The following PRKCB variants were observed in gnomAD, a reference collection of about 807,000 sequenced individuals.
PRKCB encodes the protein protein kinase C beta.
PRKCB carries 13 observed loss-of-function variants against 81.5 expected under a neutral mutation model. That is an observed-to-expected ratio of 0.16 (90% CI 0.10 to 0.25). The LOEUF is 0.25. Ranked by LOEUF, PRKCB falls within the 10% of genes least tolerant of loss-of-function variation. PRKCB has a pLI of 1.00. For missense variants in PRKCB, 509 were observed against 875.7 expected (o/e 0.58, Z 5.29); for synonymous variants, 335 against 321.4 (o/e 1.04, Z -0.45).
At chr16:24,061,917 A>AAT (rs1415701933) in intron 5 of PRKCB, among the ~76,000 whole-genome samples, 14 of 148,732 alleles carry the variant, frequency 9.4e-5, no homozygotes, top group Non-Finnish European at 1.9e-4. Context: ...AAATAAAAAA[A>AAT]AAAAAAAAAA....
chr16:24,203,831 C>G (rs1407963029), intron 16 of PRKCB, among the ~76,000 whole-genome samples: 1 of 152,098 alleles, frequency 6.6e-6, no homozygotes, highest in African/African-American at 2.4e-5. Flanking sequence ...TGGATGGGAA[C>G]GGAAATGCAT....
rs71988386 is a variant in PRKCB at position 23,902,989 on chromosome 16, C to CTTT, written c.205+65596_205+65598dup. Among the ~76,000 whole-genome samples the CTTT allele has an allele frequency of 2.7e-3, 373 of 139,048 alleles. 2 individuals carry two copies. The highest frequency in any genetic ancestry group is 9.8e-3 in the African/African-American group (349 of 35,468). 91.2% of individuals were successfully genotyped at this position (139,048 alleles called of 152,430 possible). On this transcript the variant is annotated intron_variant, in intron 2 of 16. Transcript: ENST00000643927. ...TACCTAATTTTTAGTTTTTTCTTTT[C>CTTT]TTTTTTTTTTTTTTTCCTTTTTCTG...
In PRKCB at chr16:24,217,512, G is replaced by T. The variant is rs1968247203; in HGVS notation, c.*2696G>T. The T allele has an allele frequency of 2.0e-6, 2 of 985,282 alleles. No homozygotes were observed. Among genetic ancestry groups the T allele is most frequent in the Non-Finnish European group, 2.4e-6 (2 of 829,932 alleles). The allele number at this position is 985,282 out of a possible 1,614,324, so 61.0% of individuals were successfully genotyped here. ...CAGATGCTATCAACCTCAAAGAAAT[G>T]ATCTCAACAGAGAAGCTTATTCTCT... On this transcript the variant is annotated 3_prime_UTR_variant, in exon 17 of 17. Coordinates refer to ENST00000643927, the MANE Select transcript of PRKCB (RefSeq NM_002738.7).
intron 2 of PRKCB, among the ~76,000 whole-genome samples, chr16:23,877,313 G>A (rs1474965200): frequency 6.6e-6 from 1 of 152,112 alleles, no homozygotes; most frequent in East Asian, 1.9e-4. Context: ...CCCCAGCCTG[G>A]GCAGCAGAGG....
Position 24,218,389 on chromosome 16 carries a change from A to C in PRKCB, c.*3573A>C, listed in dbSNP as rs1968264988. 1.0e-6 allele frequency: 1 copy of C among 985,102 alleles called. No homozygotes were observed. The highest frequency in any genetic ancestry group is 1.8e-5 in the African/African-American group (1 of 57,142). 61.0% of individuals were successfully genotyped at this position (985,102 alleles called of 1,614,324 possible). On this transcript the variant is annotated 3_prime_UTR_variant, in exon 17 of 17. Coordinates refer to ENST00000643927, the MANE Select transcript of PRKCB (RefSeq NM_002738.7). The stretch of plus-strand genomic sequence containing the variant: ...AGGCTAACAGCAAGCAGGACAAGAC[A>C]AAAAGGGCAGGTGGGACATGGTAGA...
intron 16 of PRKCB, among the ~76,000 whole-genome samples, chr16:24,195,134 G>A (rs1967859488): frequency 6.6e-6 from 1 of 151,686 alleles, no homozygotes; most frequent in Non-Finnish European, 1.5e-5. Flanking sequence ...CTGGGAGGTT[G>A]AGGCTGCAGT....
At chr16:24,116,057 G>A (rs1020739350) in intron 8 of PRKCB, among the ~76,000 whole-genome samples, 13 of 152,170 alleles carry the variant, frequency 8.5e-5, no homozygotes, top group Admixed American at 8.5e-4. Context: ...ACCACACGTG[G>A]TATATTTCAG....
At chr16:23,881,986 C>CTTTG (rs372214141) in intron 2 of PRKCB, among the ~76,000 whole-genome samples, 2 of 23,866 alleles carry the variant, frequency 8.4e-5, no homozygotes, top group Non-Finnish European at 1.9e-4. Context: ...TTCTTTCTTT[C>CTTTG]TTTCTTTCTT....
At chr16:23,985,170 C>G (rs1377849810) in intron 2 of PRKCB, among the ~76,000 whole-genome samples, 1 of 152,128 alleles carries the variant, frequency 6.6e-6, no homozygotes, top group Non-Finnish European at 1.5e-5. Context: ...TGGCTCACTT[C>G]AACCTCCGCC....
intron 5 of PRKCB, among the ~76,000 whole-genome samples, chr16:24,050,606 T>A (rs1965829534): frequency 6.6e-6 from 1 of 152,160 alleles, no homozygotes; most frequent in South Asian, 2.1e-4. Context: ...CACCACACAC[T>A]CTGATACATT....
intron 9 of PRKCB, among the ~76,000 whole-genome samples, chr16:24,137,114 C>T (rs1014268316): frequency 6.6e-6 from 1 of 151,136 alleles, no homozygotes; most frequent in African/African-American, 2.4e-5. Flanking sequence ...GTCTTGAACT[C>T]CTGACCTCAA....
At chr16:23,908,118 C>T (rs1479255089) in intron 2 of PRKCB, among the ~76,000 whole-genome samples, 2 of 151,836 alleles carry the variant, frequency 1.3e-5, no homozygotes, top group Admixed American at 6.6e-5. Context: ...TGGGTGGAAT[C>T]CCTGGGAGCT....
intron 10 of PRKCB, among the ~76,000 whole-genome samples, chr16:24,164,584 G>A (rs1448501791): frequency 2.0e-5 from 3 of 152,120 alleles, no homozygotes; most frequent in Non-Finnish European, 4.4e-5. Flanking sequence ...TGGAGTTGAC[G>A]GTGGAACACC....
chr16:23,913,674 G>A (rs1040967558), intron 2 of PRKCB, among the ~76,000 whole-genome samples: 2 of 152,230 alleles, frequency 1.3e-5, no homozygotes, highest in South Asian at 2.1e-4. Context: ...GCATGAAGCT[G>A]TGGCTCTGCT....
chr16:24,048,903 T>C (rs1432048607), intron 5 of PRKCB, among the ~76,000 whole-genome samples: 1 of 152,152 alleles, frequency 6.6e-6, no homozygotes, highest in Non-Finnish European at 1.5e-5. Context: ...CTCCATTATA[T>C]GGTGAGGAAA....
intron 2 of PRKCB, among the ~76,000 whole-genome samples, chr16:23,867,925 G>A (rs920539887): frequency 6.6e-6 from 1 of 152,108 alleles, no homozygotes; most frequent in Non-Finnish European, 1.5e-5. Context: ...CAAGTAATTG[G>A]CGACAAGTCC....
intron 3 of PRKCB, among the ~76,000 whole-genome samples, chr16:24,020,969 CT>C (rs1470901821): frequency 8.1e-6 from 1 of 123,736 alleles, no homozygotes; most frequent in African/African-American, 3.1e-5. Flanking sequence ...CTGAGAGAGA[CT>C]TTTCTTTTTC....
rs552377596 is a variant in PRKCB, at chr16:23,918,141, G to T, written c.206-70367G>T. Among the ~76,000 whole-genome samples, 3 of 152,234 alleles carry T rather than the reference G, an allele frequency of 2.0e-5. No homozygotes were observed. In the South Asian group the frequency reaches 6.2e-4, roughly 32 times the overall value. ...AACAAGAGGGGCAGTTTGACTTGGGGATGGGGGATGTTTTGACACTTGGAG... is the reference window on the plus strand; with the variant it reads ...AACAAGAGGGGCAGTTTGACTTGGGTATGGGGGATGTTTTGACACTTGGAG... On this transcript the variant is annotated intron_variant, in intron 2 of 16. Transcript: ENST00000643927.
rs184013295 is a variant in PRKCB, at chr16:24,073,535, A to G, written c.530-19256A>G. ...GTTTTTGTAGAGACAAAGTCTTGCTATGTTGCCCAGGCTAATCTCAAATTC... is the reference window on the plus strand; with the variant it reads ...GTTTTTGTAGAGACAAAGTCTTGCTGTGTTGCCCAGGCTAATCTCAAATTC... On this transcript the variant is annotated intron_variant, in intron 5 of 16. Coordinates refer to ENST00000643927, the MANE Select transcript of PRKCB (RefSeq NM_002738.7). Among the ~76,000 whole-genome samples, 280 of 152,110 alleles carry G rather than the reference A, an allele frequency of 1.8e-3. 1 individual carries two copies. Among genetic ancestry groups the G allele is most frequent in the African/African-American group, 6.2e-3 (258 of 41,500 alleles).
Sources: allele counts gnomAD v4.1 joint callset (sites outside exome capture counted in the v4.1 genomes callset), GRCh38; gene constraint gnomAD v4.1.1; transcripts MANE v1.5; gene names NCBI Gene and HGNC (gene_info 2026-07-23, HGNC 2026-07-21).